RBMS3: variants seen among roughly 807,000 people sequenced by gnomAD.
The protein encoded by RBMS3 is RNA-binding motif, single-stranded-interacting protein 3.
Under a neutral mutation model 66.8 loss-of-function variants are expected in RBMS3, and 27 were observed. The observed-to-expected ratio is 0.40, with a 90% CI of 0.30 to 0.56. RBMS3 has a LOEUF of 0.56. RBMS3 is among the 20% of genes least tolerant of loss of function. The probability of loss-of-function intolerance (pLI) is 0.40; values close to 1 mark genes in which losing one functional copy is unlikely to be tolerated. For missense variants in RBMS3, 513 were observed against 549.5 expected (o/e 0.93, Z 0.66); for synonymous variants, 188 against 183.0 (o/e 1.03, Z -0.22).
intron 10 of RBMS3, among the ~76,000 whole-genome samples, chr3:29,909,333 C>T (rs948196705): frequency 3.3e-5 from 5 of 151,650 alleles, no homozygotes; most frequent in East Asian, 3.9e-4. Flanking sequence ...CTGATGTGTG[C>T]GTAAAAGTAA....
chr3:29,964,321 C>T (rs1401485968), intron 12 of RBMS3, among the ~76,000 whole-genome samples: 2 of 152,096 alleles, frequency 1.3e-5, no homozygotes, highest in Non-Finnish European at 2.9e-5. Context: ...ATGTAGAGGA[C>T]TCCAACGTTT....
intron 3 of RBMS3, among the ~76,000 whole-genome samples, chr3:29,528,678 G>A (rs1050724454): frequency 6.6e-6 from 1 of 152,132 alleles, no homozygotes; most frequent in Non-Finnish European, 1.5e-5. Context: ...TTTAAAACCT[G>A]ACTTTTGATG....
chr3:29,838,139 C>T (rs2058572059), intron 6 of RBMS3, among the ~76,000 whole-genome samples: 1 of 143,866 alleles, frequency 7.0e-6, no homozygotes, highest in Non-Finnish European at 1.5e-5. Flanking sequence ...GAGTTCACAA[C>T]CAGCCTGGGC....
At chr3:29,769,803 A>G (rs1417828756) in intron 6 of RBMS3, among the ~76,000 whole-genome samples, 1 of 151,924 alleles carries the variant, frequency 6.6e-6, no homozygotes, top group African/African-American at 2.4e-5. Context: ...AGGTATGGGG[A>G]GGATGCACAG....
At chr3:29,725,170 G>T (rs1315011435) in intron 4 of RBMS3, among the ~76,000 whole-genome samples, 1 of 152,140 alleles carries the variant, frequency 6.6e-6, no homozygotes, top group Non-Finnish European at 1.5e-5. Context: ...CTCCTGTAGG[G>T]AGAAAACATA....
intron 12 of RBMS3, among the ~76,000 whole-genome samples, chr3:29,981,466 G>A (rs562891374): frequency 5.9e-5 from 9 of 152,260 alleles, no homozygotes; most frequent in African/African-American, 2.2e-4. Flanking sequence ...CCAATACTAT[G>A]TTGAATAGGA....
At chr3:29,927,817 G>C (rs1255964782) in intron 10 of RBMS3, among the ~76,000 whole-genome samples, 2 of 152,146 alleles carry the variant, frequency 1.3e-5, no homozygotes, top group African/African-American at 2.4e-5. Context: ...GGCCATCCCA[G>C]ACCTACCTGT....
Position 29,566,577 on chromosome 3 carries a change from T to C in RBMS3, c.308-20537T>C, listed in dbSNP as rs539634232. ...TTACCTGTCCCCAAATATTTGTTCA[T>C]ACTTGAATGCTATTTCTCCCTCATG... is the stretch of plus-strand genomic sequence containing the variant. On this transcript the variant is annotated intron_variant, in intron 3 of 14. Transcript: ENST00000383767. 6.1e-5 allele frequency among the ~76,000 whole-genome samples: 9 copies of C among 147,576 alleles called. No individual in the cohort carries two copies. The South Asian group carries it at 1.7e-3, about 28-fold the overall frequency.
intron 3 of RBMS3, among the ~76,000 whole-genome samples, chr3:29,502,617 G>A (rs2044018948): frequency 1.3e-5 from 2 of 151,994 alleles, no homozygotes; most frequent in African/African-American, 4.8e-5. Flanking sequence ...CACTATGAAA[G>A]CACATGTTCC....
chr3:29,565,567 A>T (rs2046712705), intron 3 of RBMS3, among the ~76,000 whole-genome samples: 7 of 152,106 alleles, frequency 4.6e-5, no homozygotes, highest in Admixed American at 4.6e-4. Flanking sequence ...AAGTCACAAT[A>T]AACTAGGCAA....
chr3:29,582,597 G>A (rs1422135826), intron 3 of RBMS3, among the ~76,000 whole-genome samples: 1 of 152,182 alleles, frequency 6.6e-6, no homozygotes, highest in Non-Finnish European at 1.5e-5. Context: ...GTTGTGTTGA[G>A]GATTTTAGCA....
intron 3 of RBMS3, among the ~76,000 whole-genome samples, chr3:29,583,502 A>G (rs1337477691): frequency 6.6e-6 from 1 of 152,176 alleles, no homozygotes; most frequent in East Asian, 1.9e-4. Flanking sequence ...ATTTTCACAA[A>G]TATTTATTAA....
chr3:29,281,856 A>C, intron 1 of RBMS3, 100 bp downstream of exon 1: 1 of 940,592 alleles, frequency 1.1e-6, no homozygotes, highest in Non-Finnish European at 1.6e-6. Flanking sequence ...CCCCACCCCC[A>C]TCACTTCTTC....
chr3:29,979,268 G>T (rs1009005610), intron 12 of RBMS3, among the ~76,000 whole-genome samples: 1 of 152,196 alleles, frequency 6.6e-6, no homozygotes. Context: ...GCTTGACTCA[G>T]TGTTGCTCTG....
intron 1 of RBMS3, among the ~76,000 whole-genome samples, chr3:29,378,436 C>T (rs1478157909): frequency 1.3e-5 from 2 of 150,054 alleles, no homozygotes; most frequent in East Asian, 2.0e-4. Context: ...CGCGCCACGG[C>T]ATTGCAGCCT....
intron 8 of RBMS3, among the ~76,000 whole-genome samples, chr3:29,896,141 A>G (rs1044800590): frequency 8.6e-5 from 13 of 151,482 alleles, no homozygotes; most frequent in African/African-American, 2.9e-4. Flanking sequence ...ATTTAAGTAC[A>G]TTTAAGACTA....
At chr3:29,694,819 T>G (rs2052190009) in intron 4 of RBMS3, among the ~76,000 whole-genome samples, 1 of 152,114 alleles carries the variant, frequency 6.6e-6, no homozygotes, top group Non-Finnish European at 1.5e-5. Context: ...GCCCCAAATT[T>G]TAAAATCTAG....
chr3:29,472,341 G>A (rs1320555262), intron 2 of RBMS3, among the ~76,000 whole-genome samples: 5 of 151,984 alleles, frequency 3.3e-5, no homozygotes, highest in South Asian at 2.1e-4. Context: ...GATTACAGGC[G>A]CCCGCCATCA....
At chr3:29,384,432 T>TAAGAAGAAGAAGAAGAAG (rs561847341) in intron 1 of RBMS3, among the ~76,000 whole-genome samples, 230 of 99,400 alleles carry the variant, frequency 2.3e-3, no homozygotes, top group East Asian at 7.0e-3. Flanking sequence ...ATAATAATAA[T>TAAGAAGAAGAAGAAGAAG]AATAAGAAGA....
Sources: allele counts gnomAD v4.1 joint callset (sites outside exome capture counted in the v4.1 genomes callset), GRCh38; gene constraint gnomAD v4.1.1; transcripts MANE v1.5; gene names NCBI Gene and HGNC (gene_info 2026-07-23, HGNC 2026-07-21).